Variants in SYK observed in about 807,000 individuals in gnomAD.
SYK encodes spleen associated tyrosine kinase.
SYK carries 16 observed loss-of-function variants against 77.8 expected under a neutral mutation model. That is an observed-to-expected ratio of 0.21 (90% confidence interval 0.14 to 0.31). SYK has a LOEUF of 0.31. Among genes scored for constraint, SYK ranks in the 10% least tolerant of loss-of-function variants. The pLI is 1.00. For synonymous variants in SYK, 312 were observed against 308.7 expected (o/e 1.01, Z -0.11); for missense variants, 529 against 814.4 (o/e 0.65, Z 4.26).
intron 1 of SYK, among the ~76,000 whole-genome samples, chr9:90,806,236 G>A (rs1325317468): frequency 6.6e-6 from 1 of 151,958 alleles, no homozygotes; most frequent in Non-Finnish European, 1.5e-5. Context: ...ATTTTCTACA[G>A]TGTCAGATAT....
rs1028491818 is a variant in SYK at position 90,807,864 on chromosome 9, A to G, written c.-42+5971A>G. On this transcript the variant is annotated intron_variant, in intron 1 of 13. Transcript: ENST00000375754. ...CTGTTGGGGAGCAGTTGGAGCTCTAACCTCTCTTCTTTCGTCCTGTGCATT... is the reference window on the plus strand; with the variant it reads ...CTGTTGGGGAGCAGTTGGAGCTCTAGCCTCTCTTCTTTCGTCCTGTGCATT... Among the ~76,000 whole-genome samples the G allele has an allele frequency of 9.9e-5, 15 of 152,068 alleles. No individual in the cohort carries two copies. The East Asian group carries it at 2.3e-3, about 24-fold the overall frequency.
rs980704695 is a variant in SYK, at chr9:90,864,776, C to T, written c.796+109C>T. 78 of 931,718 alleles carry T rather than the reference C, an allele frequency of 8.4e-5. No individual in the cohort carries two copies. In the Admixed American group the frequency reaches 9.5e-4, roughly 11 times the overall value. The allele number at this position is 931,718 out of a possible 1,614,324, so 57.7% of individuals were successfully genotyped here. Reference sequence around the variant, plus strand: ...TGGGTTGGATGAGGACTTCTTTTTACGGGTTGATTAATAATGATATCAGAG... The same window carrying T: ...TGGGTTGGATGAGGACTTCTTTTTATGGGTTGATTAATAATGATATCAGAG... On this transcript the variant is annotated intron_variant, in intron 5 of 13. Coordinates refer to ENST00000375754, the MANE Select transcript of SYK (RefSeq NM_003177.7).
chr9:90,864,253 CT>C (rs1333872402), intron 4 of SYK, among the ~76,000 whole-genome samples: 1 of 152,144 alleles, frequency 6.6e-6, no homozygotes, highest in Non-Finnish European at 1.5e-5. Flanking sequence ...TGTGTAGTCC[CT>C]GAAGAGAATG....
At chr9:90,829,390 A>G (rs1825797539) in intron 1 of SYK, among the ~76,000 whole-genome samples, 1 of 152,082 alleles carries the variant, frequency 6.6e-6, no homozygotes, top group African/African-American at 2.4e-5. Context: ...CCTGCTTTCC[A>G]GAAGGGAGCC....
intron 1 of SYK, among the ~76,000 whole-genome samples, chr9:90,835,167 A>G (rs1826024102): frequency 6.6e-6 from 1 of 152,230 alleles, no homozygotes. Flanking sequence ...GAATGGTGCC[A>G]GATGGAAATG....
chr9:90,859,285 C>CT (rs1564100359), intron 3 of SYK, among the ~76,000 whole-genome samples: 1 of 152,112 alleles, frequency 6.6e-6, no homozygotes, highest in Non-Finnish European at 1.5e-5. Context: ...CACGCCCTTG[C>CT]TTTTTTTGTT....
chr9:90,890,095 G>A (rs1323987122), intron 13 of SYK, among the ~76,000 whole-genome samples: 1 of 152,206 alleles, frequency 6.6e-6, no homozygotes, highest in African/African-American at 2.4e-5. Context: ...ATTTAACGTT[G>A]ATGCTGATCT....
At chr9:90,873,175 C>T (rs908024972) in intron 7 of SYK, among the ~76,000 whole-genome samples, 1 of 152,100 alleles carries the variant, frequency 6.6e-6, no homozygotes, top group Admixed American at 6.6e-5. Flanking sequence ...ATGAATAAGG[C>T]ACATGAGGAT....
chr9:90,838,869 C>T (rs1171190505), intron 1 of SYK, among the ~76,000 whole-genome samples: 1 of 152,154 alleles, frequency 6.6e-6, no homozygotes, highest in African/African-American at 2.4e-5. Context: ...AAGCATCAGG[C>T]GGGAAGGACT....
intron 3 of SYK, among the ~76,000 whole-genome samples, chr9:90,856,847 T>A (rs1827056557): frequency 6.6e-6 from 1 of 152,232 alleles, no homozygotes; most frequent in Non-Finnish European, 1.5e-5. Flanking sequence ...CTGATTGATA[T>A]TAATCTGTGG....
chr9:90,894,559 G>A (rs1587933252), intron 13 of SYK, among the ~76,000 whole-genome samples: 1 of 152,202 alleles, frequency 6.6e-6, no homozygotes, highest in Non-Finnish European at 1.5e-5. Flanking sequence ...CTGTTCTCTT[G>A]TGTCGACATT....
chr9:90,817,243 G>C (rs1825323614), intron 1 of SYK, among the ~76,000 whole-genome samples: 2 of 152,214 alleles, frequency 1.3e-5, no homozygotes, highest in African/African-American at 4.8e-5. Flanking sequence ...TTTAACCCCT[G>C]TAGACAAGAC....
chr9:90,840,183 C>T (rs1826243626), intron 1 of SYK, among the ~76,000 whole-genome samples: 1 of 152,066 alleles, frequency 6.6e-6, no homozygotes, highest in Admixed American at 6.5e-5. Flanking sequence ...GCTGGGACAC[C>T]GCCTGGGCAG....
intron 8 of SYK, 80 bp from the exon 9 acceptor site, chr9:90,874,592 C>A: frequency 1.4e-6 from 2 of 1,470,340 alleles, no homozygotes; most frequent in Non-Finnish European, 1.9e-6. Context: ...TTCATATTCC[C>A]ATGAAGATCA....
chr9:90,873,501 C>CA (rs1335591962), intron 7 of SYK, among the ~76,000 whole-genome samples: 1 of 152,110 alleles, frequency 6.6e-6, no homozygotes. Context: ...TTTCCCCCCC[C>CA]AGTTGTTTCA....
intron 1 of SYK, among the ~76,000 whole-genome samples, chr9:90,809,144 C>T (rs945693042): frequency 3.3e-5 from 5 of 152,204 alleles, no homozygotes; most frequent in Admixed American, 6.5e-5. Context: ...CAGGCTGCAT[C>T]GCAGGCCTTG....
At chr9:90,839,071 C>T (rs1399012200) in intron 1 of SYK, among the ~76,000 whole-genome samples, 1 of 152,136 alleles carries the variant, frequency 6.6e-6, no homozygotes, top group Non-Finnish European at 1.5e-5. Flanking sequence ...GCAGCCTGGG[C>T]CACTGTGGGC....
At chr9:90,814,074 G>A (rs913793082) in intron 1 of SYK, among the ~76,000 whole-genome samples, 1 of 149,452 alleles carries the variant, frequency 6.7e-6, no homozygotes, top group Admixed American at 6.7e-5. Flanking sequence ...GCATATTGTG[G>A]GCACTCTTAA....
chr9:90,804,452 G>C (rs1564063170), intron 1 of SYK, among the ~76,000 whole-genome samples: 1 of 152,196 alleles, frequency 6.6e-6, no homozygotes, highest in African/African-American at 2.4e-5. Flanking sequence ...CTAAGCCTAA[G>C]TGATGGCTAA....
Sources: allele counts gnomAD v4.1 joint callset (sites outside exome capture counted in the v4.1 genomes callset), GRCh38; gene constraint gnomAD v4.1.1; transcripts MANE v1.5; gene names NCBI Gene and HGNC (gene_info 2026-07-23, HGNC 2026-07-21).